Variants in GRHL2 observed in about 807,000 individuals in gnomAD.
GRHL2 encodes grainyhead like transcription factor 2, also known as grainyhead-like protein 2 homolog.
Under a neutral mutation model 83.8 loss-of-function variants are expected in GRHL2, and 21 were observed. That is an observed-to-expected ratio of 0.25 (90% CI 0.18 to 0.36). The LOEUF is 0.36. GRHL2 is among the 10% of genes least tolerant of loss of function. GRHL2 has a pLI of 1.00. For missense variants in GRHL2, 623 were observed against 781.8 expected (o/e 0.80, Z 2.42); for synonymous variants, 280 against 278.9 (o/e 1.00, Z -0.04).
intron 8 of GRHL2, among the ~76,000 whole-genome samples, chr8:101,612,520 G>GATACATACATAC (rs58026460): frequency 0.02 from 2,514 of 123,696 alleles, 83 homozygotes; most frequent in South Asian, 0.031. Flanking sequence ...TAGATAGATA[G>GATACATACATAC]ATACATACAT....
intron 6 of GRHL2, 120 bp downstream of exon 6, chr8:101,573,944 C>A: frequency 1.7e-6 from 2 of 1,170,740 alleles, no homozygotes; most frequent in Non-Finnish European, 2.5e-6. Context: ...AATTCTAGAA[C>A]GAATGTCAGA....
At chr8:101,533,943 C>G (rs920676519) in intron 1 of GRHL2, among the ~76,000 whole-genome samples, 1 of 152,080 alleles carries the variant, frequency 6.6e-6, no homozygotes, top group African/African-American at 2.4e-5. Flanking sequence ...TTGTAACAAC[C>G]ATCACTTCTA....
At chr8:101,658,904 A>G (rs899667796) in intron 14 of GRHL2, among the ~76,000 whole-genome samples, 4 of 152,222 alleles carry the variant, frequency 2.6e-5, no homozygotes, top group Non-Finnish European at 4.4e-5. Context: ...CGAGTATGCA[A>G]CAAGCTCTTA....
intron 6 of GRHL2, among the ~76,000 whole-genome samples, chr8:101,575,747 G>A (rs367962652): frequency 6.6e-5 from 10 of 151,974 alleles, no homozygotes; most frequent in African/African-American, 1.9e-4. Context: ...TTTATTTTGC[G>A]ACAAATAAAT....
intron 1 of GRHL2, among the ~76,000 whole-genome samples, chr8:101,523,059 G>A (rs4734538): frequency 0.57 from 86,743 of 151,366 alleles, 26,170 homozygotes; most frequent in Non-Finnish European, 0.66. Context: ...ACAGGCACCC[G>A]CCACCATGCC....
At chr8:101,662,982 C>T (rs2129761710) in intron 14 of GRHL2, among the ~76,000 whole-genome samples, 1 of 152,166 alleles carries the variant, frequency 6.6e-6, no homozygotes, top group Admixed American at 6.5e-5. Flanking sequence ...TTCATGTAGG[C>T]TTTCCACATT....
the GRHL2 span, among the ~76,000 whole-genome samples, chr8:101,676,098 A>AT: frequency 2.0e-5 from 3 of 151,564 alleles, no homozygotes. Flanking sequence ...ACCTAAAACC[A>AT]TAAAAACCCT....
At chr8:101,534,541 T>C (rs966268773) in intron 1 of GRHL2, among the ~76,000 whole-genome samples, 2 of 152,078 alleles carry the variant, frequency 1.3e-5, no homozygotes, top group African/African-American at 2.4e-5. Context: ...AGACCAACCC[T>C]GGTCCAGTGT....
At chr8:101,678,340 G>A in the GRHL2 span, among the ~76,000 whole-genome samples, 15 of 152,226 alleles carry the variant, frequency 9.9e-5, no homozygotes, top group South Asian at 2.1e-4. Context: ...CTGGAAAATC[G>A]GGTCACTCCC....
intron 7 of GRHL2, among the ~76,000 whole-genome samples, chr8:101,598,795 TA>T (rs1812451821): frequency 6.6e-6 from 1 of 152,066 alleles, no homozygotes; most frequent in Non-Finnish European, 1.5e-5. Context: ...ATAAAACTAG[TA>T]AAAAATGAAA....
intron 7 of GRHL2, among the ~76,000 whole-genome samples, chr8:101,583,654 T>C (rs1302543365): frequency 6.6e-6 from 1 of 152,196 alleles, no homozygotes; most frequent in Non-Finnish European, 1.5e-5. Context: ...GTGAGCCATT[T>C]AAAAAATATT....
chr8:101,676,467 A>G, the GRHL2 span, among the ~76,000 whole-genome samples: 269 of 150,484 alleles, frequency 1.8e-3, 4 homozygotes, highest in East Asian at 0.038. Context: ...AAAATGCTCA[A>G]CATCACTGGC....
At chr8:101,659,022 A>C (rs1419638608) in intron 14 of GRHL2, among the ~76,000 whole-genome samples, 2 of 152,234 alleles carry the variant, frequency 1.3e-5, no homozygotes, top group Non-Finnish European at 2.9e-5. Flanking sequence ...TTAGATGTAT[A>C]AAATAAAATA....
At chr8:101,579,033 C>T (rs1340523418) in intron 7 of GRHL2, among the ~76,000 whole-genome samples, 2 of 152,138 alleles carry the variant, frequency 1.3e-5, no homozygotes, top group Non-Finnish European at 1.5e-5. Flanking sequence ...CACATGACTC[C>T]CCCTCAGATA....
At position 101,492,472 on chromosome 8, in the gene GRHL2, CTT is replaced by C. The variant is rs939585719; in HGVS notation, c.-296_-295del. 15 of 542,406 alleles carry C rather than the reference CTT, an allele frequency of 2.8e-5. No individual in the cohort carries two copies. In the Admixed American group the frequency reaches 4.0e-4, roughly 15 times the overall value. The allele number at this position is 542,406 out of a possible 1,614,324, so 33.6% of individuals were successfully genotyped here. A position where few individuals can be genotyped will look rare whatever the true frequency, so the allele number is the denominator to read the frequency against. The stretch of plus-strand genomic sequence containing the variant: ...TACCTGTGGCCGCCCAAGTCCGCCA[CTT>C]TCTGCTCTGTGTCTGCCCATTGCCA... On this transcript the variant is annotated 5_prime_UTR_variant, in exon 1 of 16. Transcript: ENST00000646743.
At position 101,492,949 on chromosome 8, in the gene GRHL2, A is replaced by G. The variant is rs1339579180; in HGVS notation, c.20+160A>G. 7.0e-6 allele frequency: 5 copies of G among 714,332 alleles called. No homozygotes were observed. The Admixed American group carries it at 1.1e-4, about 15-fold the overall frequency. The allele number at this position is 714,332 out of a possible 1,614,324, so 44.2% of individuals were successfully genotyped here. A position where few individuals can be genotyped will look rare whatever the true frequency, so the allele number is the denominator to read the frequency against. On this transcript the variant is annotated intron_variant, in intron 1 of 15. Transcript: ENST00000646743. Reference sequence around the variant, plus strand: ...CCAGACTTTTCCGCATTATGTTTCTACCCTGATTAAGGGGAGAAACCCTAC... The same window carrying G: ...CCAGACTTTTCCGCATTATGTTTCTGCCCTGATTAAGGGGAGAAACCCTAC...
At chr8:101,510,613 A>G (rs1295442530) in intron 1 of GRHL2, among the ~76,000 whole-genome samples, 2 of 152,196 alleles carry the variant, frequency 1.3e-5, no homozygotes, top group Non-Finnish European at 1.5e-5. Context: ...TAAAATTTAC[A>G]AATATTAAAA....
chr8:101,571,869 G>A (rs920501464), intron 5 of GRHL2, among the ~76,000 whole-genome samples: 16 of 152,150 alleles, frequency 1.1e-4, no homozygotes, highest in African/African-American at 3.6e-4. Context: ...TCTAATTTGC[G>A]TGCTGTAAAT....
chr8:101,652,537 G>T (rs145074259), intron 14 of GRHL2, among the ~76,000 whole-genome samples: 96 of 47,216 alleles, frequency 2.0e-3, no homozygotes, highest in East Asian at 0.017. Context: ...TGTGTGGTGT[G>T]TGTGTGTGTG....
Sources: allele counts gnomAD v4.1 joint callset (sites outside exome capture counted in the v4.1 genomes callset), GRCh38; gene constraint gnomAD v4.1.1; transcripts MANE v1.5; gene names NCBI Gene and HGNC (gene_info 2026-07-23, HGNC 2026-07-21).